The following ISX variants were observed in gnomAD, a reference collection of about 807,000 sequenced individuals.
ISX encodes the protein intestine specific homeobox.
ISX carries 15 observed loss-of-function variants against 16.9 expected under a neutral mutation model. The observed-to-expected ratio is 0.89, with a 90% CI of 0.59 to 1.36. ISX has a LOEUF of 1.36. Ranked by LOEUF, ISX falls within the 40% of genes most tolerant of loss-of-function variation. The pLI is 0.00. For missense variants in ISX, 316 were observed against 306.1 expected (o/e 1.03, Z -0.24); for synonymous variants, 125 against 119.7 (o/e 1.04, Z -0.29).
chr22:35,084,250 T>A, intron 3 of ISX, 133 bp from the exon 4 acceptor site: 1 of 600,212 alleles, frequency 1.7e-6, no homozygotes. Context: ...TCCAAAGACA[T>A]CCTGGATGCC....
chr22:35,083,708 G>C (rs375645283), intron 3 of ISX, among the ~76,000 whole-genome samples: 21 of 152,306 alleles, frequency 1.4e-4, no homozygotes, highest in African/African-American at 4.8e-4. Context: ...CCTTCTGGCT[G>C]GGGACCACTC....
At chr22:35,072,134 A>G (rs1928869764) in intron 2 of ISX, among the ~76,000 whole-genome samples, 2 of 152,204 alleles carry the variant, frequency 1.3e-5, no homozygotes, top group African/African-American at 4.8e-5. Flanking sequence ...AATGGACTCC[A>G]TCTCTTAGTT....
intron 3 of ISX, 34 bp from the exon 4 acceptor site, chr22:35,084,349 C>G: frequency 6.8e-7 from 1 of 1,461,556 alleles, no homozygotes; most frequent in Non-Finnish European, 9.6e-7. Context: ...GAGGAAAACT[C>G]TTGCTTATCC....
chr22:35,084,686 CCTGT>C (rs1929205864), intron 4 of ISX, among the ~76,000 whole-genome samples, 187 bp downstream of exon 4: 1 of 152,208 alleles, frequency 6.6e-6, no homozygotes, highest in Non-Finnish European at 1.5e-5. Flanking sequence ...CAAGTGGCTG[CCTGT>C]CTGTCCTCAT....
chr22:35,070,306 C>T (rs1378714682), intron 2 of ISX, among the ~76,000 whole-genome samples: 1 of 152,218 alleles, frequency 6.6e-6, no homozygotes, highest in East Asian at 1.9e-4. Flanking sequence ...CTACACCCAG[C>T]CTCCTGCTCT....
chr22:35,072,203 T>C (rs1020291230), intron 2 of ISX, among the ~76,000 whole-genome samples: 1 of 152,184 alleles, frequency 6.6e-6, no homozygotes, highest in African/African-American at 2.4e-5. Context: ...GGTTCTAGAA[T>C]TGAGAACCTG....
intron 2 of ISX, among the ~76,000 whole-genome samples, chr22:35,081,101 T>C (rs1289146217): frequency 3.3e-5 from 5 of 152,168 alleles, no homozygotes; most frequent in South Asian, 2.1e-4. Context: ...GTAAGAAAGA[T>C]TACCCAGGGC....
Position 35,086,252 on chromosome 22 carries a change from C to A in ISX, c.*559C>A, listed in dbSNP as rs1381507336. 1.2e-5 allele frequency: 2 copies of A among 161,022 alleles called. No homozygotes were observed. Among genetic ancestry groups the A allele is most frequent in the African/African-American group, 4.8e-5 (2 of 41,514 alleles). The allele number at this position is 161,022 out of a possible 1,614,324, so 10.0% of individuals were successfully genotyped here. ...ACGTTTGTCAAAAGGTGGTGCTGGCCCACCTCTGAAAGCAGAACACTTGCT... is the reference window on the plus strand; with the variant it reads ...ACGTTTGTCAAAAGGTGGTGCTGGCACACCTCTGAAAGCAGAACACTTGCT... On this transcript the variant is annotated 3_prime_UTR_variant, in exon 5 of 5. Coordinates refer to ENST00000404699, the MANE Select transcript of ISX (RefSeq NM_001303508.2).
chr22:35,079,265 C>G (rs917788283), intron 2 of ISX, among the ~76,000 whole-genome samples: 1 of 152,164 alleles, frequency 6.6e-6, no homozygotes, highest in Non-Finnish European at 1.5e-5. Context: ...AAGACCTCAG[C>G]TGGAGCTCAG....
At chr22:35,071,811 C>T (rs144514598) in intron 2 of ISX, among the ~76,000 whole-genome samples, 224 of 152,218 alleles carry the variant, frequency 1.5e-3, no homozygotes, top group South Asian at 4.2e-3. Flanking sequence ...GAGAGAGGGT[C>T]CTTTTCCTTC....
intron 4 of ISX, among the ~76,000 whole-genome samples, chr22:35,085,181 C>T (rs1405742562): frequency 1.3e-5 from 2 of 152,152 alleles, no homozygotes; most frequent in African/African-American, 4.8e-5. Context: ...GGCAAAGTGA[C>T]TTTTCCATGT....
intron 2 of ISX, among the ~76,000 whole-genome samples, chr22:35,071,517 T>G (rs1286989177): frequency 6.6e-6 from 1 of 152,202 alleles, no homozygotes; most frequent in Non-Finnish European, 1.5e-5. Context: ...CTCCATCTTC[T>G]CACAGCCTTG....
At chr22:35,084,632 C>G in intron 4 of ISX, 133 bp downstream of exon 4, 1 of 577,260 alleles carries the variant, frequency 1.7e-6, no homozygotes, top group Admixed American at 3.2e-5. Context: ...ATATTAGAAA[C>G]AGCATGGGGC....
chr22:35,077,818 C>A lies in ISX; in HGVS notation c.230-4700C>A, dbSNP rs117248998. ...CTTCTTCACCCCACCTCTAAATTAC[C>A]TTCTTCCAGTACTCTTGGGAACAGG... On this transcript the variant is annotated intron_variant, in intron 2 of 4. Transcript: ENST00000404699. Among the ~76,000 whole-genome samples, 3 of 152,278 alleles carry A rather than the reference C, an allele frequency of 2.0e-5. No homozygotes were observed. The East Asian group carries it at 5.8e-4, about 29-fold the overall frequency.
At position 35,075,054 on chromosome 22, in the gene ISX, T is replaced by C. The variant is rs142162855; in HGVS notation, c.230-7464T>C. On this transcript the variant is annotated intron_variant, in intron 2 of 4. Transcript: ENST00000404699. Reference sequence around the variant, plus strand: ...CCTAAACGCATTGTCATTAGTCACATTGTCATAATACAAATACGATATACA... The same window carrying C: ...CCTAAACGCATTGTCATTAGTCACACTGTCATAATACAAATACGATATACA... Among the ~76,000 whole-genome samples the C allele has an allele frequency of 3.3e-5, 5 of 152,324 alleles. No homozygotes were observed. In the East Asian group the frequency reaches 9.6e-4, roughly 29 times the overall value.
Position 35,082,548 on chromosome 22 carries a change from C to A in ISX, c.260C>A (p.Thr87Asn). 2 of 1,614,144 alleles carry A rather than the reference C, an allele frequency of 1.2e-6. No homozygotes were observed. Among genetic ancestry groups the A allele is most frequent in the South Asian group, 1.1e-5 (1 of 91,078 alleles). ...EGRKSKRRVR[T>N]TFTTEQLHEL... ...AGGAAGAGCAAGCGGAGGGTTCGTA[C>A]CACCTTCACCACTGAGCAGCTGCAT... is the stretch of plus-strand genomic sequence containing the variant. Residue 87 changes from threonine to asparagine, a missense_variant, in exon 3 of 5, where the codon ACC (threonine) becomes AAC (asparagine). By Grantham distance (65) the Thr-to-Asn change is moderately conservative. Transcript: ENST00000404699.
At chr22:35,068,101 G>A (rs919110705) in intron 2 of ISX, among the ~76,000 whole-genome samples, 1 of 152,242 alleles carries the variant, frequency 6.6e-6, no homozygotes, top group Non-Finnish European at 1.5e-5. Context: ...GTCCACTGCA[G>A]CCTCAGGTTT....
intron 2 of ISX, among the ~76,000 whole-genome samples, chr22:35,080,899 A>G (rs1173553294): frequency 6.6e-6 from 1 of 152,234 alleles, no homozygotes; most frequent in Non-Finnish European, 1.5e-5. Flanking sequence ...ACCACCATGT[A>G]TTCTAGGTCA....
At chr22:35,073,944 T>A (rs957381570) in intron 2 of ISX, among the ~76,000 whole-genome samples, 3 of 152,242 alleles carry the variant, frequency 2.0e-5, no homozygotes, top group Non-Finnish European at 2.9e-5. Flanking sequence ...TTGACAAAAA[T>A]TATCTTAGGC....
Sources: allele counts gnomAD v4.1 joint callset (sites outside exome capture counted in the v4.1 genomes callset), GRCh38; gene constraint gnomAD v4.1.1; transcripts MANE v1.5; gene names NCBI Gene and HGNC (gene_info 2026-07-23, HGNC 2026-07-21).